Variants in CCDC88B observed in about 807,000 individuals in gnomAD.
The protein encoded by CCDC88B is coiled-coil domain-containing protein 88B.
CCDC88B carries 138 observed loss-of-function variants against 183.7 expected under a neutral mutation model. That is an observed-to-expected ratio of 0.75 (90% confidence interval 0.65 to 0.87). The LOEUF is 0.87. Among genes scored for constraint, CCDC88B ranks in the 40% least tolerant of loss-of-function variants. The pLI is 0.00. For synonymous variants in CCDC88B, 835 were observed against 867.5 expected (o/e 0.96, Z 0.66); for missense variants, 1,822 against 1,965.6 (o/e 0.93, Z 1.38).
intron 14 of CCDC88B, among the ~76,000 whole-genome samples, chr11:64,348,558 T>C (rs2036206573): frequency 6.6e-6 from 1 of 152,128 alleles, no homozygotes; most frequent in South Asian, 2.1e-4. Context: ...GCCAAGAGTG[T>C]CAGGAGGTGC....
At chr11:64,347,185 C>T (rs564865606) in intron 14 of CCDC88B, among the ~76,000 whole-genome samples, 46 of 152,368 alleles carry the variant, frequency 3.0e-4, no homozygotes, top group Non-Finnish European at 5.6e-4. Flanking sequence ...GCAGTGACCA[C>T]GAAGCTAGCA....
chr11:64,345,299 C>A, intron 14 of CCDC88B, 142 bp downstream of exon 14: 1 of 989,252 alleles, frequency 1.0e-6, no homozygotes, highest in Non-Finnish European at 1.5e-6. Flanking sequence ...CCACCCCTGC[C>A]TTCCAAAGGT....
At chr11:64,355,080 C>A in intron 24 of CCDC88B, 114 bp from the exon 25 acceptor site, 1 of 426,588 alleles carries the variant, frequency 2.3e-6, no homozygotes, top group African/African-American at 2.9e-5. Context: ...CTCCCCTTGT[C>A]TGACCCCCTC....
intron 22 of CCDC88B, 88 bp downstream of exon 22, chr11:64,353,584 G>A (rs2036428387): frequency 6.3e-7 from 1 of 1,579,170 alleles, no homozygotes; most frequent in Non-Finnish European, 8.6e-7. Context: ...TAGGGACAGG[G>A]TTGGAGCTGA....
intron 20 of CCDC88B, 34 bp from the exon 21 acceptor site, chr11:64,353,020 G>C: frequency 6.5e-7 from 1 of 1,549,124 alleles, no homozygotes; most frequent in South Asian, 1.2e-5. Context: ...GGGGACCCAG[G>C]TCCCTTGGAG....
rs766805380 is a variant in CCDC88B at position 64,341,621 on chromosome 11, T to A, written c.554T>A (p.Val185Glu). The change falls in exon 7 of 27, where the codon GTG becomes GAG. Residue 185 changes from valine (V) to glutamate (E), a missense_variant. Coordinates refer to ENST00000356786, the MANE Select transcript of CCDC88B (RefSeq NM_032251.6). ...CAGGTGACCCAGCCGGGGGCCGGCG[T>A]GGTGCTGGCACTGTCTGGGCCAGAT... is the stretch of plus-strand genomic sequence containing the variant. ...IQEVTQPGAG[V>E]VLALSGPDPG... 7.5e-6 allele frequency: 12 copies of A among 1,602,374 alleles called. No homozygotes were observed. The highest frequency in any genetic ancestry group is 8.5e-6 in the Non-Finnish European group (10 of 1,173,970).
At position 64,352,404 on chromosome 11, in the gene CCDC88B, C is replaced by T. The variant is rs767508438; in HGVS notation, c.3356+18C>T. 3 of 1,512,852 alleles carry T rather than the reference C, an allele frequency of 2.0e-6. No homozygotes were observed. The highest frequency in any genetic ancestry group is 2.8e-5 in the African/African-American group (2 of 72,218). 93.7% of individuals were successfully genotyped at this position (1,512,852 alleles called of 1,614,324 possible). On this transcript the variant is annotated intron_variant, in intron 19 of 26. Transcript: ENST00000356786. ...CAGGGCCGGTGAGCATCACCAAATG[C>T]CCAGCTCCTCCCCTGGCACCCCCTA...
At chr11:64,342,254 G>A in intron 8 of CCDC88B, 40 bp from the exon 9 acceptor site, 2 of 1,573,066 alleles carry the variant, frequency 1.3e-6, no homozygotes, top group East Asian at 2.3e-5. Context: ...GCTGGGGGTT[G>A]TGGGCCCCCA....
At chr11:64,353,689 C>A in intron 22 of CCDC88B, 26 bp from the exon 23 acceptor site, 1 of 1,612,810 alleles carries the variant, frequency 6.2e-7, no homozygotes, top group Non-Finnish European at 8.5e-7. Flanking sequence ...GCCTCACACC[C>A]ACCTCTCCCT....
chr11:64,345,122 G>A lies in CCDC88B; in HGVS notation c.2581G>A (p.Glu861Lys), dbSNP rs1467643802. 1 of 1,549,164 alleles carries A rather than the reference G, an allele frequency of 6.5e-7. No individual in the cohort carries two copies. The highest frequency in any genetic ancestry group is 8.7e-7 in the Non-Finnish European group (1 of 1,151,954). ...GGGCCGCCAGCACTTGGAGGAGGCT[G>A]AGAGGGAGCGCCGGGAGAAGGAGGC... ...SEGRQHLEEA[E>K]RERREKEALQ... The change falls in exon 14 of 27, where the codon GAG (glutamate) becomes AAG (lysine). Residue 861 changes from glutamate to lysine, a missense_variant. Coordinates refer to ENST00000356786, the MANE Select transcript of CCDC88B (RefSeq NM_032251.6).
At chr11:64,341,087 T>C (rs372752167) in intron 3 of CCDC88B, 22 bp from the exon 4 acceptor site, 8 of 1,613,924 alleles carry the variant, frequency 5.0e-6, no homozygotes, top group African/African-American at 2.7e-5. Flanking sequence ...GCGCCTCATA[T>C]AGTCTGCCTC....
In CCDC88B at chr11:64,344,783, C is replaced by T. The variant is rs888955358; in HGVS notation, c.2242C>T (p.Leu748=). 1.9e-6 allele frequency: 3 copies of T among 1,613,690 alleles called. No homozygotes were observed. In the East Asian group the frequency reaches 6.7e-5, roughly 36 times the overall value. Residue 748 remains leucine, a synonymous_variant, in exon 14 of 27, where the codon CTG becomes TTG. Transcript: ENST00000356786. The surrounding 1 kb of genome is among the most constrained non-coding windows in gnomAD (Gnocchi z 4.5). The part of the protein sequence containing the change: ...RRKAEALGDE[L]EAQARKLEAQ... ...AAAGGCTGAGGCCCTTGGAGATGAG[C>T]TGGAAGCCCAGGCCCGCAAGCTGGA...
Position 64,352,774 on chromosome 11 carries a change from C to T in CCDC88B, c.3387C>T (p.Ser1129=), listed in dbSNP as rs751942412. 11 of 1,613,400 alleles carry T rather than the reference C, an allele frequency of 6.8e-6. No homozygotes were observed. Among genetic ancestry groups the T allele is most frequent in the South Asian group, 3.3e-5 (3 of 91,090 alleles). ...AGCAGCTGCAGGCCCAGCGGGCCAG[C>T]GTGGAGGCACAGGAGGTGGCCCTGC... ...RHEQLQAQRA[S]VEAQEVALLA... Residue 1129 remains serine (S), a synonymous_variant, in exon 20 of 27, where the codon AGC becomes AGT. Coordinates refer to ENST00000356786, the MANE Select transcript of CCDC88B (RefSeq NM_032251.6).
rs371409114 is a variant in CCDC88B, at chr11:64,343,296, C to G, written c.1180C>G (p.Leu394Val). ...CGAGACCCAGCGCGAGAACCTGCTG[C>G]TGCGAACCCGGCTGGGCGAGGCCCA... is the stretch of plus-strand genomic sequence containing the variant. ...LHETQRENLL[L>V]RTRLGEAHAE... The change falls in exon 11 of 27, where the codon CTG (leucine) becomes GTG (valine). Residue 394 changes from leucine (L) to valine (V), a missense_variant. Leu to Val is a conservative substitution (Grantham distance 32). Transcript: ENST00000356786. 13 of 1,550,216 alleles carry G rather than the reference C, an allele frequency of 8.4e-6. No homozygotes were observed. Among genetic ancestry groups the G allele is most frequent in the Non-Finnish European group, 1.0e-5 (12 of 1,146,850 alleles).
In CCDC88B at chr11:64,353,815, T is replaced by A; in HGVS notation, c.3932+2T>A. The A allele has an allele frequency of 6.2e-7, 1 of 1,613,820 alleles. No homozygotes were observed. The highest frequency in any genetic ancestry group is 8.5e-7 in the Non-Finnish European group (1 of 1,179,840). ...GCCTGTGCCCCTGCCCCGGACCAAG[T>A]GAGCAGCCCTGTCACCTCCCTCAGG... On this transcript the variant is annotated splice_donor_variant, in intron 23 of 26. Coordinates refer to ENST00000356786, the MANE Select transcript of CCDC88B (RefSeq NM_032251.6). LOFTEE classifies it high-confidence loss of function.
Position 64,344,745 on chromosome 11 carries a change from C to T in CCDC88B, c.2204C>T (p.Ala735Val), listed in dbSNP as rs1246454688. ...AEQEALREEVAQLRRKAEALG... is the reference protein window; with the variant it reads ...AEQEALREEVVQLRRKAEALG... ...CAGGAGGCCCTCAGGGAGGAGGTGG[C>T]ACAGTTGAGGAGAAAGGCTGAGGCC... Residue 735 changes from alanine to valine, a missense_variant, in exon 14 of 27, where the codon GCA (alanine) becomes GTA (valine). Transcript: ENST00000356786. This position sits in a 1 kb window ranked among gnomAD's most constrained non-coding sequence, Gnocchi z 4.5. 2 of 1,614,022 alleles carry T rather than the reference C, an allele frequency of 1.2e-6. No homozygotes were observed. The highest frequency in any genetic ancestry group is 8.5e-7 in the Non-Finnish European group (1 of 1,180,006).
chr11:64,351,683 C>G, intron 18 of CCDC88B, 67 bp downstream of exon 18: 1 of 1,453,390 alleles, frequency 6.9e-7, no homozygotes, highest in Non-Finnish European at 9.0e-7. Flanking sequence ...TTGGATCATC[C>G]TGTGGCCTTT....
chr11:64,353,864 C>A (rs772196152), intron 23 of CCDC88B, 51 bp downstream of exon 23: 130 of 1,607,012 alleles, frequency 8.1e-5, no homozygotes, highest in Non-Finnish European at 1.0e-4. Context: ...TAACCTCTGC[C>A]CCTGCCCTGG....
In CCDC88B at chr11:64,344,469, A is replaced by G; in HGVS notation, c.1928A>G (p.Gln643Arg). Residue 643 changes from glutamine to arginine, a missense_variant, in exon 14 of 27, where the codon CAG becomes CGG. Gln to Arg is a conservative substitution (Grantham distance 43, BLOSUM62 1). Transcript: ENST00000356786. The surrounding 1 kb of genome is among the most constrained non-coding windows in gnomAD (Gnocchi z 4.5). ...ELVPEAWGLR[Q>R]EGPEHKPGPS... Reference sequence around the variant, plus strand: ...GTGCCTGAGGCCTGGGGGTTGAGACAGGAGGGCCCTGAGCACAAGCCAGGG... The same window carrying G: ...GTGCCTGAGGCCTGGGGGTTGAGACGGGAGGGCCCTGAGCACAAGCCAGGG... The G allele has an allele frequency of 6.3e-7, 1 of 1,594,350 alleles. No homozygotes were observed. Among genetic ancestry groups the G allele is most frequent in the Non-Finnish European group, 8.5e-7 (1 of 1,170,258 alleles).
Sources: gnomAD v4.1 joint callset for allele counts (sites outside exome capture counted in the v4.1 genomes callset) on GRCh38, gnomAD v4.1.1 for gene constraint, Gnocchi (gnomAD v3.1) non-coding constraint, MANE v1.5 for transcripts, NCBI Gene and HGNC (gene_info 2026-07-23, HGNC 2026-07-21) for gene names.